The following CIRSR variants were observed in gnomAD, a reference collection of about 807,000 sequenced individuals.
CIRSR encodes the protein corepressor of RBPJ and splicing regulator, also known as CBF1 (RBPJ) interacting corepressor 1.
At chr2:174,373,577 TTC>T in the CIRSR span, among the ~76,000 whole-genome samples, 5 of 152,168 alleles carry the variant, frequency 3.3e-5, no homozygotes, top group Non-Finnish European at 5.9e-5. Context: ...ATTTTAATTT[TTC>T]TGTTTCTTTC....
the CIRSR span, chr2:174,349,161 C>G: frequency 2.1e-6 from 3 of 1,444,702 alleles, no homozygotes; most frequent in South Asian, 1.5e-5. Context: ...CTTCTCCAGT[C>G]GATCTAATTT....
At chr2:174,362,406 A>G in the CIRSR span, among the ~76,000 whole-genome samples, 5 of 152,208 alleles carry the variant, frequency 3.3e-5, no homozygotes, top group African/African-American at 1.2e-4. Flanking sequence ...AAAATATGAA[A>G]TAAATGTTAA....
chr2:174,359,044 GAA>G, the CIRSR span, among the ~76,000 whole-genome samples: 4 of 152,194 alleles, frequency 2.6e-5, no homozygotes, highest in African/African-American at 4.8e-5. Context: ...GAATGCTCTT[GAA>G]AAGTTAGGCA....
At chr2:174,384,771 T>A in the CIRSR span, among the ~76,000 whole-genome samples, 1 of 152,204 alleles carries the variant, frequency 6.6e-6, no homozygotes, top group Non-Finnish European at 1.5e-5. Context: ...AAAGATTGTT[T>A]TCCACTTTAT....
chr2:174,385,099 C>CAGCTATTCA, the CIRSR span, among the ~76,000 whole-genome samples: 2 of 151,438 alleles, frequency 1.3e-5, no homozygotes, highest in Non-Finnish European at 2.9e-5. Flanking sequence ...CCTGTAGTTC[C>CAGCTATTCA]AGCTATTCAG....
chr2:174,352,556 A>G, the CIRSR span, among the ~76,000 whole-genome samples: 1 of 152,224 alleles, frequency 6.6e-6, no homozygotes, highest in African/African-American at 2.4e-5. Flanking sequence ...CAACTTGGCC[A>G]ACATGGCAAA....
chr2:174,359,994 G>C, the CIRSR span, among the ~76,000 whole-genome samples: 10 of 152,150 alleles, frequency 6.6e-5, no homozygotes, highest in Non-Finnish European at 1.3e-4. Context: ...CTCACTCATA[G>C]GTAGGAATTG....
the CIRSR span, among the ~76,000 whole-genome samples, chr2:174,367,386 T>C: frequency 7.2e-5 from 11 of 152,292 alleles, 1 homozygote; most frequent in African/African-American, 2.4e-4. Flanking sequence ...GAGACCATCC[T>C]GGCTAACACA....
the CIRSR span, among the ~76,000 whole-genome samples, chr2:174,383,392 T>C: frequency 6.6e-6 from 1 of 151,940 alleles, no homozygotes. Context: ...TTTAAACAGG[T>C]GTATAAGTTA....
At chr2:174,370,604 T>C in the CIRSR span, among the ~76,000 whole-genome samples, 9 of 152,220 alleles carry the variant, frequency 5.9e-5, no homozygotes, top group African/African-American at 1.9e-4. Context: ...GTGTATGTGT[T>C]TAAGCATCAC....
the CIRSR span, chr2:174,378,764 T>C: frequency 1.2e-5 from 8 of 666,228 alleles, no homozygotes; most frequent in East Asian, 2.2e-4. Flanking sequence ...GATCAGAGTT[T>C]CCCATTAATC....
At chr2:174,367,151 A>G in the CIRSR span, among the ~76,000 whole-genome samples, 1 of 152,186 alleles carries the variant, frequency 6.6e-6, no homozygotes, top group South Asian at 2.1e-4. Flanking sequence ...TAACACACCA[A>G]TTAAAAGACA....
the CIRSR span, among the ~76,000 whole-genome samples, chr2:174,377,824 CAAAAAAAAAAA>C: frequency 1.7e-5 from 1 of 60,076 alleles, no homozygotes; most frequent in African/African-American, 6.7e-5. Context: ...GACGCCATCT[CAAAAAAAAAAA>C]AAAAAAAAAA....
chr2:174,360,157 T>C, the CIRSR span, among the ~76,000 whole-genome samples: 1 of 152,202 alleles, frequency 6.6e-6, no homozygotes, highest in Non-Finnish European at 1.5e-5. Flanking sequence ...CATGTATACA[T>C]ATGTAACAAA....
At chr2:174,350,806 A>C in the CIRSR span, 1 of 1,193,540 alleles carries the variant, frequency 8.4e-7, no homozygotes, top group South Asian at 1.4e-5. Flanking sequence ...TAGTAGATAA[A>C]AAAGAAAACA....
chr2:174,363,882 G>A, the CIRSR span, among the ~76,000 whole-genome samples: 98 of 152,134 alleles, frequency 6.4e-4, 1 homozygote, highest in African/African-American at 2.0e-3. Flanking sequence ...GTGGGGACAC[G>A]GCCAAACCAT....
chr2:174,351,727 T>G, the CIRSR span: 2 of 1,609,626 alleles, frequency 1.2e-6, no homozygotes, highest in Non-Finnish European at 1.7e-6. Context: ...TCGATGGCCC[T>G]GTTCACAAAA....
chr2:174,370,174 C>A, the CIRSR span, among the ~76,000 whole-genome samples: 1 of 152,300 alleles, frequency 6.6e-6, no homozygotes, highest in East Asian at 1.9e-4. Flanking sequence ...GCACTCCCAG[C>A]AACCCCAGCT....
At chr2:174,368,738 C>T in the CIRSR span, among the ~76,000 whole-genome samples, 1 of 152,076 alleles carries the variant, frequency 6.6e-6, no homozygotes, top group African/African-American at 2.4e-5. Context: ...GGTCTTTGTC[C>T]CTAGAGCTCT....
Sources: allele counts gnomAD v4.1 joint callset (sites outside exome capture counted in the v4.1 genomes callset), GRCh38; gene constraint gnomAD v4.1.1; transcripts MANE v1.5; gene names NCBI Gene and HGNC (gene_info 2026-07-23, HGNC 2026-07-21).